The following CIP2A variants were observed in gnomAD, a reference collection of about 807,000 sequenced individuals.
CIP2A encodes the protein protein CIP2A.
In CIP2A, 103 loss-of-function variants were observed where a neutral mutation model predicts 110.9. The observed-to-expected ratio is 0.93, with a 90% confidence interval of 0.79 to 1.09. The LOEUF is 1.09. Ranked by LOEUF, CIP2A falls within the 50% of genes least tolerant of loss-of-function variation. The pLI is 0.00. For missense variants in CIP2A, 1,088 were observed against 1,038.4 expected (o/e 1.05, Z -0.66); for synonymous variants, 381 against 361.6 (o/e 1.05, Z -0.61).
chr3:108,575,270 A>C (rs1200456399), intron 8 of CIP2A, among the ~76,000 whole-genome samples: 1 of 151,742 alleles, frequency 6.6e-6, no homozygotes, highest in African/African-American at 2.4e-5. Context: ...ACATGTGTAT[A>C]TACACACACA....
At chr3:108,584,923 G>T in intron 2 of CIP2A, 142 bp downstream of exon 2, 1 of 618,736 alleles carries the variant, frequency 1.6e-6, no homozygotes, top group Non-Finnish European at 2.6e-6. Context: ...CTTCCTCAGT[G>T]TCAAAAGATT....
At chr3:108,569,958 T>G (rs1002843679) in intron 8 of CIP2A, among the ~76,000 whole-genome samples, 1 of 152,046 alleles carries the variant, frequency 6.6e-6, no homozygotes, top group Non-Finnish European at 1.5e-5. Context: ...AAAAATAAAA[T>G]TAGAATTAGT....
At chr3:108,578,875 G>A (rs1428496552) in intron 7 of CIP2A, among the ~76,000 whole-genome samples, 1 of 152,058 alleles carries the variant, frequency 6.6e-6, no homozygotes, top group African/African-American at 2.4e-5. Context: ...CAAACATAAT[G>A]ACATCAATGT....
In CIP2A at chr3:108,551,299, T is replaced by C. The variant is rs764882527; in HGVS notation, c.2568A>G (p.Gln856=). 1.2e-5 allele frequency: 19 copies of C among 1,610,982 alleles called. No individual in the cohort carries two copies. Among genetic ancestry groups the C allele is most frequent in the Middle Eastern group, 1.7e-4 (1 of 6,042 alleles). The change falls in exon 21 of 21, where the codon CAA becomes CAG. Residue 856 remains glutamine, a synonymous_variant. Coordinates refer to ENST00000295746, the MANE Select transcript of CIP2A (RefSeq NM_020890.3). ...CCAAACGACCTTCTAATTGTGCCTTTTGAACCTCTAGGGAGGAAGCCTAAG... is the reference window on the plus strand; with the variant it reads ...CCAAACGACCTTCTAATTGTGCCTTCTGAACCTCTAGGGAGGAAGCCTAAG... ...LSIKASSLEV[Q]KAQLEGRLEE...
chr3:108,561,469 G>A (rs922343123), intron 13 of CIP2A, among the ~76,000 whole-genome samples: 3 of 152,038 alleles, frequency 2.0e-5, no homozygotes, highest in Admixed American at 6.6e-5. Flanking sequence ...CCAAGAGTTC[G>A]AGACAAGCCT....
chr3:108,583,039 G>T lies in CIP2A; in HGVS notation c.295C>A (p.Leu99Met). 1 of 1,605,560 alleles carries T rather than the reference G, an allele frequency of 6.2e-7. No homozygotes were observed. ...ACCACTCCCGCCAGCACACTATTCAGATTATATGTATTCTGAAGACAATCT... is the reference window on the plus strand; with the variant it reads ...ACCACTCCCGCCAGCACACTATTCATATTATATGTATTCTGAAGACAATCT... ...TRDCLQNTYNLNSVLAGVVCR... is the reference protein window; with the variant it reads ...TRDCLQNTYNMNSVLAGVVCR... Residue 99 changes from leucine (L) to methionine (M), a missense_variant, in exon 3 of 21, where the codon CTG becomes ATG. Coordinates refer to ENST00000295746, the MANE Select transcript of CIP2A (RefSeq NM_020890.3).
chr3:108,555,035 T>G (rs959728408), intron 17 of CIP2A, among the ~76,000 whole-genome samples: 1 of 152,232 alleles, frequency 6.6e-6, no homozygotes. Flanking sequence ...GCAGTTTTTG[T>G]ATCTAATCCA....
intron 1 of CIP2A, among the ~76,000 whole-genome samples, chr3:108,587,318 T>C (rs776033414): frequency 1.6e-4 from 25 of 152,130 alleles, no homozygotes; most frequent in Non-Finnish European, 3.4e-4. Context: ...GGTACACTTA[T>C]ACAATAGAAT....
rs979622863 is a variant in CIP2A, at chr3:108,552,240, G to T, written c.2541C>A (p.Ser847Arg). 9.6e-6 allele frequency: 15 copies of T among 1,556,788 alleles called. No homozygotes were observed. The highest frequency in any genetic ancestry group is 1.4e-5 in the African/African-American group (1 of 71,016). ...AAATGGAACAGATTCTTACCTTAATGCTCAACTCTTTTCTTATCTGTTCTG... is the reference window on the plus strand; with the variant it reads ...AAATGGAACAGATTCTTACCTTAATTCTCAACTCTTTTCTTATCTGTTCTG... ...SRTEQIRKEL[S>R]IKASSLEVQK... The change falls in exon 20 of 21, where the codon AGC becomes AGA. Residue 847 changes from serine to arginine, a missense_variant. Ser to Arg is a moderately radical substitution (Grantham distance 110, BLOSUM62 -1). Transcript: ENST00000295746.
At position 108,554,508 on chromosome 3, in the gene CIP2A, G is replaced by T; in HGVS notation, c.2211-19C>A. 2 of 1,044,284 alleles carry T rather than the reference G, an allele frequency of 1.9e-6. No homozygotes were observed. Among genetic ancestry groups the T allele is most frequent in the East Asian group, 2.5e-5 (1 of 39,990 alleles). The allele number at this position is 1,044,284 out of a possible 1,614,324, so 64.7% of individuals were successfully genotyped here. ...TTCATTTCTGAAAAGACAAGAAAATGAGTTGGCATCATTATGGAGGAAAAC... is the reference window on the plus strand; with the variant it reads ...TTCATTTCTGAAAAGACAAGAAAATTAGTTGGCATCATTATGGAGGAAAAC... On this transcript the variant is annotated intron_variant, in intron 17 of 20. Coordinates refer to ENST00000295746, the MANE Select transcript of CIP2A (RefSeq NM_020890.3).
intron 9 of CIP2A, 96 bp from the exon 10 acceptor site, chr3:108,568,410 T>C (rs550602527): frequency 1.0e-6 from 1 of 958,262 alleles, no homozygotes; most frequent in Admixed American, 2.9e-5. Context: ...TTTAAATTTT[T>C]TATATTTCCT....
intron 9 of CIP2A, among the ~76,000 whole-genome samples, chr3:108,568,731 T>G (rs1938271621): frequency 6.6e-6 from 1 of 152,056 alleles, no homozygotes; most frequent in South Asian, 2.1e-4. Flanking sequence ...TAAAACTGAT[T>G]GTTAAATAAT....
rs764362092 is a variant in CIP2A, at chr3:108,553,693, TTC to T, written c.2360_2361del (p.Arg787LysfsTer13). On this transcript the variant is annotated frameshift_variant, in exon 19 of 21. Coordinates refer to ENST00000295746, the MANE Select transcript of CIP2A (RefSeq NM_020890.3). LOFTEE classifies it high-confidence loss of function. The part of the protein sequence containing the change: ...IAQLIEKEEQ[R>X]KEVQNQLVDR... ...TCTACTAGCTGATTCTGTACTTCTT[TTC>T]TCTGTTCTTCTTTCTCTATTAATTG... 1.3e-6 allele frequency: 2 copies of T among 1,499,558 alleles called. No individual in the cohort carries two copies. The highest frequency in any genetic ancestry group is 1.7e-5 in the Admixed American group (1 of 59,718). 92.9% of individuals were successfully genotyped at this position (1,499,558 alleles called of 1,614,324 possible).
rs368507472 is a variant in CIP2A at position 108,566,462 on chromosome 3, C to T, written c.1415+35G>A. On this transcript the variant is annotated intron_variant, in intron 11 of 20. Transcript: ENST00000295746. ...CACCACATCTTTCGATTTTTTACTG[C>T]CTTGCCATTTTGTCATTAGAGTTTA... 11 of 1,560,794 alleles carry T rather than the reference C, an allele frequency of 7.0e-6. No homozygotes were observed. The African/African-American group carries it at 1.5e-4, about 22-fold the overall frequency.
chr3:108,582,420 C>T (rs1171204045), intron 3 of CIP2A, among the ~76,000 whole-genome samples: 5 of 152,180 alleles, frequency 3.3e-5, no homozygotes, highest in Non-Finnish European at 5.9e-5. Flanking sequence ...ACCTTGTTCA[C>T]TTAGTCATCT....
intron 1 of CIP2A, among the ~76,000 whole-genome samples, chr3:108,585,952 C>T (rs535647623): frequency 6.6e-6 from 1 of 151,948 alleles, no homozygotes; most frequent in African/African-American, 2.4e-5. Context: ...GGAGGTAAAG[C>T]TGGAACTAAA....
chr3:108,560,177 T>C (rs949036392), intron 14 of CIP2A, 149 bp from the exon 15 acceptor site: 1 of 580,744 alleles, frequency 1.7e-6, no homozygotes, highest in Non-Finnish European at 3.0e-6. Flanking sequence ...GTCACAAATA[T>C]TTCTTTTTTT....
chr3:108,561,432 G>A (rs952988739), intron 13 of CIP2A, among the ~76,000 whole-genome samples: 2 of 152,058 alleles, frequency 1.3e-5, no homozygotes, highest in Non-Finnish European at 2.9e-5. Flanking sequence ...ACCTGTAACC[G>A]CAGCACTTTG....
chr3:108,567,756 G>T (rs1938236301), intron 10 of CIP2A, among the ~76,000 whole-genome samples: 1 of 151,560 alleles, frequency 6.6e-6, no homozygotes, highest in African/African-American at 2.4e-5. Flanking sequence ...CTTTATCCAC[G>T]AATACACATC....
Sources: gnomAD v4.1 joint callset for allele counts (sites outside exome capture counted in the v4.1 genomes callset) on GRCh38, gnomAD v4.1.1 for gene constraint, MANE v1.5 for transcripts, NCBI Gene and HGNC (gene_info 2026-07-23, HGNC 2026-07-21) for gene names.